The following RORA variants were observed in gnomAD, a reference collection of about 807,000 sequenced individuals.
The protein encoded by RORA is nuclear receptor ROR-alpha.
In RORA, 7 loss-of-function variants were observed where a neutral mutation model predicts 69.5. That is an observed-to-expected ratio of 0.10 (90% CI 0.06 to 0.19). The LOEUF is 0.19. Ranked by LOEUF, RORA falls within the 10% of genes least tolerant of loss-of-function variation. The pLI is 1.00. For missense variants in RORA, 457 were observed against 663.0 expected, an observed-to-expected ratio of 0.69 and a Z score of 3.41; for synonymous variants, 261 against 240.8, an observed-to-expected ratio of 1.08 and a Z score of -0.78.
intron 1 of RORA, among the ~76,000 whole-genome samples, chr15:61,144,920 G>C (rs1449020220): frequency 2.0e-5 from 3 of 152,168 alleles, no homozygotes; most frequent in Non-Finnish European, 2.9e-5. Context: ...TCCTTTTACA[G>C]TATATTGAAT....
intron 1 of RORA, among the ~76,000 whole-genome samples, chr15:60,705,905 A>C (rs1016823685): frequency 3.9e-5 from 6 of 152,146 alleles, no homozygotes; most frequent in African/African-American, 1.4e-4. Flanking sequence ...AGGAGTGCAA[A>C]GTATATTACA....
chr15:60,569,381 A>G (rs2140447739), intron 2 of RORA, among the ~76,000 whole-genome samples: 1 of 152,020 alleles, frequency 6.6e-6, no homozygotes, highest in South Asian at 2.1e-4. Context: ...GTGAGCTATG[A>G]TGGCAACACT....
At chr15:61,124,908 C>T (rs1203873925) in intron 1 of RORA, among the ~76,000 whole-genome samples, 1 of 152,148 alleles carries the variant, frequency 6.6e-6, no homozygotes, top group Admixed American at 6.5e-5. Flanking sequence ...ATCTTTGGGT[C>T]TTATTTCCAG....
chr15:60,608,413 G>T (rs1424178964), intron 2 of RORA, among the ~76,000 whole-genome samples: 3 of 152,152 alleles, frequency 2.0e-5, no homozygotes, highest in African/African-American at 7.2e-5. Context: ...AATCCAGCAG[G>T]CAGGAATCAT....
intron 2 of RORA, among the ~76,000 whole-genome samples, chr15:60,598,015 T>G (rs2068735051): frequency 6.6e-6 from 1 of 152,020 alleles, no homozygotes; most frequent in African/African-American, 2.4e-5. Context: ...CCAACCTACA[T>G]CCCACTCACT....
chr15:61,175,546 A>AAAAAAATAAC (rs1238243508), intron 1 of RORA, among the ~76,000 whole-genome samples: 31 of 151,272 alleles, frequency 2.0e-4, no homozygotes, highest in African/African-American at 7.5e-4. Flanking sequence ...GTTTCTAAAA[A>AAAAAAATAAC]AAAAAAAAAA....
rs543734206 is a variant in RORA at position 60,642,900 on chromosome 15, C to T, written c.196+35757G>A. Among the ~76,000 whole-genome samples the T allele has an allele frequency of 5.3e-5, 8 of 151,850 alleles. No homozygotes were observed. The South Asian group carries it at 6.3e-4, about 12-fold the overall frequency. On this transcript the variant is annotated intron_variant, in intron 2 of 10. Coordinates refer to ENST00000335670, the MANE Select transcript of RORA (RefSeq NM_134261.3). ...TTAAAAAATAAATACAGGCTGGGCC[C>T]GGTGGCAGCCATTTGGGAGGTTGAG...
At chr15:60,689,961 A>C (rs1416412033) in intron 1 of RORA, among the ~76,000 whole-genome samples, 2 of 152,138 alleles carry the variant, frequency 1.3e-5, no homozygotes, top group Non-Finnish European at 1.5e-5. Context: ...ACCATCCTTT[A>C]GCTACCACAC....
chr15:61,222,497 C>T (rs952760020), intron 1 of RORA, among the ~76,000 whole-genome samples: 1 of 152,218 alleles, frequency 6.6e-6, no homozygotes, highest in African/African-American at 2.4e-5. Flanking sequence ...TATTCCTCAT[C>T]ATGCCCCATT....
intron 1 of RORA, among the ~76,000 whole-genome samples, chr15:60,835,074 T>G (rs1466128844): frequency 4.6e-5 from 7 of 152,168 alleles, no homozygotes. Flanking sequence ...GAAGCTCAAG[T>G]GTCTACAAGA....
intron 1 of RORA, among the ~76,000 whole-genome samples, chr15:61,069,014 C>A (rs1431845988): frequency 1.3e-5 from 2 of 152,160 alleles, no homozygotes; most frequent in South Asian, 2.1e-4. Context: ...AATCATCCAC[C>A]TTTCTAGCAG....
intron 1 of RORA, among the ~76,000 whole-genome samples, chr15:61,146,086 G>A (rs994175911): frequency 5.9e-5 from 9 of 152,218 alleles, no homozygotes; most frequent in Non-Finnish European, 1.2e-4. Context: ...AATTAGACTT[G>A]AGCCAATGGC....
At chr15:60,623,560 A>G (rs901635306) in intron 2 of RORA, among the ~76,000 whole-genome samples, 4 of 152,208 alleles carry the variant, frequency 2.6e-5, no homozygotes, top group African/African-American at 9.6e-5. Context: ...TTTAACAGAC[A>G]AGGGAACTAA....
At chr15:60,501,619 T>C (rs979653979) in intron 8 of RORA, among the ~76,000 whole-genome samples, 4 of 152,258 alleles carry the variant, frequency 2.6e-5, no homozygotes, top group South Asian at 4.1e-4. Context: ...CTAACTGATA[T>C]GTTAAATTAA....
chr15:60,907,479 T>C (rs1234903002), intron 1 of RORA, among the ~76,000 whole-genome samples: 1 of 152,220 alleles, frequency 6.6e-6, no homozygotes, highest in Non-Finnish European at 1.5e-5. Context: ...CTTGATTACA[T>C]AACAAGCTAG....
chr15:60,592,426 C>T (rs1425532422), intron 2 of RORA: 2 of 1,431,386 alleles, frequency 1.4e-6, no homozygotes, highest in African/African-American at 1.5e-5. Flanking sequence ...ATTTAAGCCG[C>T]GGTGCGGAGA....
At chr15:61,140,331 T>C (rs1305938863) in intron 1 of RORA, among the ~76,000 whole-genome samples, 4 of 152,224 alleles carry the variant, frequency 2.6e-5, no homozygotes, top group African/African-American at 9.6e-5. Flanking sequence ...TTATGTTGCC[T>C]GGTAGGGATA....
chr15:60,920,951 G>A (rs1892025835), intron 1 of RORA, among the ~76,000 whole-genome samples: 1 of 152,162 alleles, frequency 6.6e-6, no homozygotes. Context: ...TCTGGATTGG[G>A]CCTTGGGGCT....
chr15:60,989,010 T>C (rs1894292379), intron 1 of RORA, among the ~76,000 whole-genome samples: 1 of 152,254 alleles, frequency 6.6e-6, no homozygotes. Context: ...TACATCATCC[T>C]GATTTAAACC....
Sources: allele counts gnomAD v4.1 joint callset (sites outside exome capture counted in the v4.1 genomes callset), GRCh38; gene constraint gnomAD v4.1.1; transcripts MANE v1.5; gene names NCBI Gene and HGNC (gene_info 2026-07-23, HGNC 2026-07-21).